Variants in PTBP3 observed in about 807,000 individuals in gnomAD.
PTBP3 encodes the protein polypyrimidine tract binding protein 3.
A neutral mutation model predicts 58.7 loss-of-function variants in PTBP3; 20 were observed. The ratio of observed to expected loss-of-function variants is 0.34; its 90% CI spans 0.24 to 0.50. The LOEUF (loss-of-function observed/expected upper bound fraction) is 0.50, where lower values mean the gene tolerates loss of function less well. Ranked by LOEUF, PTBP3 falls within the 20% of genes least tolerant of loss-of-function variation. PTBP3 has a pLI of 0.98. For synonymous variants in PTBP3, 185 were observed against 219.8 expected (o/e 0.84, Z 1.40); for missense variants, 509 against 637.2 (o/e 0.80, Z 2.17).
chr9:112,312,215 A>C (rs1829508869), intron 1 of PTBP3, among the ~76,000 whole-genome samples: 2 of 152,270 alleles, frequency 1.3e-5, no homozygotes, highest in Middle Eastern at 3.4e-3. Context: ...CACCTTAACC[A>C]AGTGATTAAG....
At chr9:112,319,948 C>T (rs1001904518) in intron 1 of PTBP3, among the ~76,000 whole-genome samples, 14 of 152,182 alleles carry the variant, frequency 9.2e-5, no homozygotes, top group African/African-American at 2.6e-4. Context: ...TGCATGATCC[C>T]ACTTACACGC....
At chr9:112,349,580 C>T in the PTBP3 span, among the ~76,000 whole-genome samples, 1 of 151,894 alleles carries the variant, frequency 6.6e-6, no homozygotes, top group Non-Finnish European at 1.5e-5. Context: ...TGCAATTTAC[C>T]AGGCGCGGTG....
At chr9:112,264,846 C>G (rs1836733409) in intron 4 of PTBP3, among the ~76,000 whole-genome samples, 1 of 152,150 alleles carries the variant, frequency 6.6e-6, no homozygotes, top group African/African-American at 2.4e-5. Flanking sequence ...TTGGAATAAT[C>G]TAATCTTTTA....
chr9:112,309,978 A>G (rs1829411287), intron 1 of PTBP3, among the ~76,000 whole-genome samples: 1 of 152,054 alleles, frequency 6.6e-6, no homozygotes, highest in Non-Finnish European at 1.5e-5. Context: ...ACCTAAAGAC[A>G]TTTGCTATTG....
At chr9:112,358,170 C>T in the PTBP3 span, among the ~76,000 whole-genome samples, 8 of 151,992 alleles carry the variant, frequency 5.3e-5, no homozygotes, top group Admixed American at 3.9e-4. Context: ...ATTAGCTGGG[C>T]GTGGTGGCAG....
intron 2 of PTBP3, among the ~76,000 whole-genome samples, chr9:112,280,363 A>G (rs918712564): frequency 3.1e-4 from 27 of 86,384 alleles, no homozygotes; most frequent in African/African-American, 6.7e-4. Context: ...GCTGCTGTTT[A>G]TTTATTATTT....
chr9:112,282,101 C>G (rs1474587888), intron 2 of PTBP3, among the ~76,000 whole-genome samples: 3 of 152,164 alleles, frequency 2.0e-5, no homozygotes, highest in Admixed American at 6.5e-5. Context: ...CCACCTTCAT[C>G]ATGTAATCTA....
intron 1 of PTBP3, 67 bp downstream of exon 1, chr9:112,333,403 C>G (rs1830466303): frequency 5.2e-6 from 8 of 1,540,206 alleles, no homozygotes; most frequent in Non-Finnish European, 7.0e-6. Context: ...TTACGCGTCC[C>G]GCGGAGAGCC....
At chr9:112,266,236 T>A (rs72751947) in intron 4 of PTBP3, among the ~76,000 whole-genome samples, 13 of 152,206 alleles carry the variant, frequency 8.5e-5, no homozygotes, top group Non-Finnish European at 2.9e-5. Flanking sequence ...AAACTGTACA[T>A]TTAAAAATGG....
chr9:112,297,806 A>C (rs1335435406), intron 2 of PTBP3, 26 bp downstream of exon 2: 2 of 1,452,056 alleles, frequency 1.4e-6, no homozygotes, highest in African/African-American at 3.8e-5. Flanking sequence ...CAGAAATCAA[A>C]TATTAAAAAA....
At position 112,228,613 on chromosome 9, in the gene PTBP3, A is replaced by G. The variant is rs181030475; in HGVS notation, c.1055-141T>C. 136 of 547,124 alleles carry G rather than the reference A, an allele frequency of 2.5e-4. No homozygotes were observed. In the East Asian group the frequency reaches 3.5e-3, roughly 14 times the overall value. The allele number at this position is 547,124 out of a possible 1,614,324, so 33.9% of individuals were successfully genotyped here. On this transcript the variant is annotated intron_variant, in intron 10 of 13. Transcript: ENST00000374257. ...ACACCTGCAAATTTTTATCTCTTCC[A>G]AAGTTCCAGATCTATTCATGTACTT...
chr9:112,251,125 C>G, intron 6 of PTBP3, 22 bp from the exon 7 acceptor site: 1 of 1,512,960 alleles, frequency 6.6e-7, no homozygotes, highest in Non-Finnish European at 8.9e-7. Context: ...AAGAAAGGGA[C>G]TGGTTTTGGC....
chr9:112,324,902 G>A (rs1374196195), intron 1 of PTBP3, among the ~76,000 whole-genome samples: 1 of 152,194 alleles, frequency 6.6e-6, no homozygotes, highest in Non-Finnish European at 1.5e-5. Context: ...TGATCAGAGT[G>A]TAAGGTGGTA....
At chr9:112,262,021 A>G (rs979523530) in intron 5 of PTBP3, among the ~76,000 whole-genome samples, 1 of 152,218 alleles carries the variant, frequency 6.6e-6, no homozygotes, top group Non-Finnish European at 1.5e-5. Context: ...TGGTATATTC[A>G]TATTACACAT....
intron 1 of PTBP3, among the ~76,000 whole-genome samples, chr9:112,304,934 C>T (rs1008002510): frequency 3.3e-5 from 5 of 152,052 alleles, no homozygotes; most frequent in African/African-American, 9.7e-5. Flanking sequence ...TTTAATATAG[C>T]ATTTTTTCAG....
At chr9:112,320,527 C>G (rs1020665595) in intron 1 of PTBP3, among the ~76,000 whole-genome samples, 4 of 151,454 alleles carry the variant, frequency 2.6e-5, no homozygotes, top group African/African-American at 7.3e-5. Context: ...CAGGGAAAAT[C>G]ACAGCTTTGT....
At chr9:112,312,238 GT>G (rs1339800370) in intron 1 of PTBP3, among the ~76,000 whole-genome samples, 2 of 152,114 alleles carry the variant, frequency 1.3e-5, no homozygotes, top group African/African-American at 4.8e-5. Flanking sequence ...ATAAAAAAAA[GT>G]GGGGAAGCTA....
intron 3 of PTBP3, among the ~76,000 whole-genome samples, chr9:112,272,097 A>C (rs1564423182): frequency 6.6e-6 from 1 of 151,586 alleles, no homozygotes. Context: ...TTTGAGACAG[A>C]GTCTCACTAC....
chr9:112,375,070 C>G, the PTBP3 span, among the ~76,000 whole-genome samples: 1 of 152,192 alleles, frequency 6.6e-6, no homozygotes, highest in Non-Finnish European at 1.5e-5. Context: ...CACGGGTCCA[C>G]TGGATGATGA....
Sources: gnomAD v4.1 joint callset for allele counts (sites outside exome capture counted in the v4.1 genomes callset) on GRCh38, gnomAD v4.1.1 for gene constraint, MANE v1.5 for transcripts, NCBI Gene and HGNC (gene_info 2026-07-23, HGNC 2026-07-21) for gene names.